Variants in NALF1 observed in about 807,000 individuals in gnomAD.
The protein encoded by NALF1 is NALCN channel auxiliary factor 1, also known as family with sequence similarity 155 member A.
In NALF1, 3 loss-of-function variants were observed where a neutral mutation model predicts 48.4. The observed-to-expected ratio is 0.06, with a 90% CI of 0.03 to 0.16. The LOEUF (loss-of-function observed/expected upper bound fraction) is 0.16. Among genes scored for constraint, NALF1 ranks in the 10% least tolerant of loss-of-function variants. NALF1 has a pLI of 1.00. For synonymous variants in NALF1, 262 were observed against 245.7 expected, an observed-to-expected ratio of 1.07 and a Z score of -0.62; for missense variants, 526 against 571.5, an observed-to-expected ratio of 0.92 and a Z score of 0.81.
In NALF1 at chr13:107,711,514, TC is replaced by T. The variant is rs1258241300; in HGVS notation, c.915+154167del. Among the ~76,000 whole-genome samples, 7 of 152,216 alleles carry T rather than the reference TC, an allele frequency of 4.6e-5. No individual in the cohort carries two copies. The South Asian group carries it at 1.0e-3, about 22-fold the overall frequency. On this transcript the variant is annotated intron_variant, in intron 1 of 2. Transcript: ENST00000375915. The stretch of plus-strand genomic sequence containing the variant: ...CCACGCCCGGCTAATTTTTGTATTT[TC>T]AGTAGAGACAGGGTTTCGCCATGTT...
intron 1 of NALF1, among the ~76,000 whole-genome samples, chr13:107,836,035 A>C (rs1048309599): frequency 1.3e-5 from 2 of 152,138 alleles, no homozygotes; most frequent in African/African-American, 4.8e-5. Flanking sequence ...TCTGTTGCCC[A>C]CATTGGAGTG....
At chr13:107,219,760 C>T (rs1375300376) in intron 1 of NALF1, among the ~76,000 whole-genome samples, 1 of 151,918 alleles carries the variant, frequency 6.6e-6, no homozygotes, top group Non-Finnish European at 1.5e-5. Context: ...CTTCATAAAA[C>T]CAAAGAGAAA....
chr13:107,775,715 CTGT>C (rs1877712280), intron 1 of NALF1, among the ~76,000 whole-genome samples: 1 of 152,122 alleles, frequency 6.6e-6, no homozygotes, highest in African/African-American at 2.4e-5. Flanking sequence ...TCTCCAGCAC[CTGT>C]TGTTTCCTGA....
chr13:107,286,833 A>G (rs1881504667), intron 1 of NALF1, among the ~76,000 whole-genome samples: 1 of 152,330 alleles, frequency 6.6e-6, no homozygotes, highest in Non-Finnish European at 1.5e-5. Flanking sequence ...GTTTATATAA[A>G]ACATCTGGAA....
Position 107,539,201 on chromosome 13 carries a change from C to A in NALF1, c.915+326481G>T, listed in dbSNP as rs569510665. Among the ~76,000 whole-genome samples, 28 of 152,022 alleles carry A rather than the reference C, an allele frequency of 1.8e-4. 2 individuals carry two copies. In the South Asian group the frequency reaches 5.6e-3, roughly 30 times the overall value. On this transcript the variant is annotated intron_variant, in intron 1 of 2. Coordinates refer to ENST00000375915, the MANE Select transcript of NALF1 (RefSeq NM_001080396.3). ...TTATCAAGAAAATAAGCTCATTCAA[C>A]TTATGATTCTGGAAACTGGGAAGTC...
intron 1 of NALF1, among the ~76,000 whole-genome samples, chr13:107,242,636 T>A (rs1242890062): frequency 6.6e-6 from 1 of 152,248 alleles, no homozygotes; most frequent in East Asian, 1.9e-4. Flanking sequence ...TAATTCAAAG[T>A]GACAGCCGTC....
chr13:107,186,910 A>C (rs1879186581), intron 2 of NALF1, among the ~76,000 whole-genome samples: 1 of 152,212 alleles, frequency 6.6e-6, no homozygotes, highest in South Asian at 2.1e-4. Flanking sequence ...TCAGGAAATC[A>C]GCAGGATTTA....
intron 1 of NALF1, among the ~76,000 whole-genome samples, chr13:107,548,438 G>C (rs1044008407): frequency 6.6e-6 from 1 of 152,098 alleles, no homozygotes; most frequent in African/African-American, 2.4e-5. Flanking sequence ...ACATCTGCAT[G>C]CATGTGTCTT....
chr13:107,562,015 A>G (rs1473554509), intron 1 of NALF1, among the ~76,000 whole-genome samples: 1 of 152,222 alleles, frequency 6.6e-6, no homozygotes, highest in African/African-American at 2.4e-5. Flanking sequence ...GAATTTAAGA[A>G]TATTTAGTAA....
intron 1 of NALF1, among the ~76,000 whole-genome samples, chr13:107,347,975 A>G (rs1475088703): frequency 6.6e-6 from 1 of 152,206 alleles, no homozygotes; most frequent in African/African-American, 2.4e-5. Context: ...ACCTCTCCGC[A>G]GAAAGCAGAA....
At chr13:107,181,447 T>C (rs1210737989) in intron 2 of NALF1, among the ~76,000 whole-genome samples, 1 of 151,744 alleles carries the variant, frequency 6.6e-6, no homozygotes, top group Non-Finnish European at 1.5e-5. Context: ...ATATTATCTT[T>C]TGTACTTAAA....
At position 107,170,460 on chromosome 13, in the gene NALF1, CG is replaced by C. The variant is rs1566439899; in HGVS notation, c.*36del. 1 of 1,545,018 alleles carries C rather than the reference CG, an allele frequency of 6.5e-7. No individual in the cohort carries two copies. The highest frequency in any genetic ancestry group is 8.7e-7 in the Non-Finnish European group (1 of 1,146,244). Reference sequence around the variant, plus strand: ...AGACAGCAGTTGCCATTTTTCACGGCGGGCCAGCTGCTGCTGTGGTGACACT... The same window carrying C: ...AGACAGCAGTTGCCATTTTTCACGGCGGCCAGCTGCTGCTGTGGTGACACT... On this transcript the variant is annotated 3_prime_UTR_variant, in exon 3 of 3. Coordinates refer to ENST00000375915, the MANE Select transcript of NALF1 (RefSeq NM_001080396.3).
chr13:107,744,078 A>G (rs1876711739), intron 1 of NALF1, among the ~76,000 whole-genome samples: 1 of 152,212 alleles, frequency 6.6e-6, no homozygotes, highest in South Asian at 2.1e-4. Flanking sequence ...ACAGAGGTAT[A>G]TATTAGATTC....
At chr13:107,723,819 C>T (rs1204331150) in intron 1 of NALF1, among the ~76,000 whole-genome samples, 1 of 152,118 alleles carries the variant, frequency 6.6e-6, no homozygotes, top group Non-Finnish European at 1.5e-5. Flanking sequence ...CAACTTTTAC[C>T]TAATTTTTTC....
At chr13:107,720,927 G>A (rs79612431) in intron 1 of NALF1, among the ~76,000 whole-genome samples, 61 of 152,146 alleles carry the variant, frequency 4.0e-4, no homozygotes, top group African/African-American at 1.4e-3. Flanking sequence ...GTGTACAGCC[G>A]CATCTGATCC....
intron 1 of NALF1, among the ~76,000 whole-genome samples, chr13:107,536,941 G>T (rs1389360123): frequency 6.6e-6 from 1 of 152,148 alleles, no homozygotes; most frequent in Non-Finnish European, 1.5e-5. Flanking sequence ...GGACATGGAT[G>T]AAGCTGGAAA....
chr13:107,186,548 A>G (rs1879177996), intron 2 of NALF1, among the ~76,000 whole-genome samples: 1 of 152,068 alleles, frequency 6.6e-6, no homozygotes, highest in African/African-American at 2.4e-5. Context: ...TTGTAATTTT[A>G]GTAGAGATGG....
chr13:107,183,732 C>A (rs1289409818), intron 2 of NALF1, among the ~76,000 whole-genome samples: 1 of 152,074 alleles, frequency 6.6e-6, no homozygotes, highest in Non-Finnish European at 1.5e-5. Context: ...TCACAGCAAA[C>A]TAACACAGGA....
At chr13:107,246,770 G>GT (rs955981393) in intron 1 of NALF1, among the ~76,000 whole-genome samples, 2 of 152,074 alleles carry the variant, frequency 1.3e-5, no homozygotes, top group African/African-American at 2.4e-5. Flanking sequence ...ATTGAGGATT[G>GT]TTTTTTATGA....
Sources: allele counts gnomAD v4.1 joint callset (sites outside exome capture counted in the v4.1 genomes callset), GRCh38; gene constraint gnomAD v4.1.1; transcripts MANE v1.5; gene names NCBI Gene and HGNC (gene_info 2026-07-23, HGNC 2026-07-21).